Variants in ANKRD26 observed in about 807,000 individuals in gnomAD.
The protein encoded by ANKRD26 is ankyrin repeat domain 26, also known as ankyrin repeat domain-containing protein 26.
A neutral mutation model predicts 208.7 loss-of-function variants in ANKRD26; 141 were observed. The ratio of observed to expected loss-of-function variants is 0.68; its 90% CI spans 0.59 to 0.78. The LOEUF is 0.78. ANKRD26 is among the 30% of genes least tolerant of loss of function. The probability of loss-of-function intolerance (pLI) is 0.00; values close to 1 mark genes in which losing one functional copy is unlikely to be tolerated. For missense variants in ANKRD26, 1,889 were observed against 1,938.7 expected (o/e 0.97, Z 0.48); for synonymous variants, 636 against 660.4 (o/e 0.96, Z 0.57).
At chr10:26,962,337 G>A in the ANKRD26 span, among the ~76,000 whole-genome samples, 1,401 of 152,238 alleles carry the variant, frequency 9.2e-3, 22 homozygotes, top group African/African-American at 0.032. Context: ...CACGTTGGGA[G>A]GCTGAGGCGG....
chr10:27,063,766 T>C (rs569994830), intron 12 of ANKRD26, among the ~76,000 whole-genome samples: 48 of 152,320 alleles, frequency 3.2e-4, no homozygotes, highest in African/African-American at 1.1e-3. Context: ...CAGGTCTTAA[T>C]GTATTTTGAA....
intron 4 of ANKRD26, chr10:27,088,545 C>T (rs1015629763): frequency 1.3e-5 from 2 of 152,128 alleles, no homozygotes; most frequent in African/African-American, 4.8e-5. Context: ...TTGTGAGGTA[C>T]AATCTGAAAA....
chr10:27,058,446 C>T (rs995347153), intron 15 of ANKRD26, among the ~76,000 whole-genome samples: 2 of 152,142 alleles, frequency 1.3e-5, no homozygotes, highest in African/African-American at 4.8e-5. Flanking sequence ...AAATGCGTGG[C>T]TGTACATGCA....
chr10:27,075,864 TTA>T (rs1360844552), intron 9 of ANKRD26, among the ~76,000 whole-genome samples: 1 of 152,166 alleles, frequency 6.6e-6, no homozygotes, highest in Non-Finnish European at 1.5e-5. Flanking sequence ...AAAACAAGTC[TTA>T]ATAAATTTTA....
chr10:26,972,591 T>TC (rs1396169533), downstream of ANKRD26, among the ~76,000 whole-genome samples: 1 of 146,136 alleles, frequency 6.8e-6, no homozygotes, highest in African/African-American at 2.5e-5. Flanking sequence ...AGTGATTCTT[T>TC]TTTTTTTTTT....
chr10:26,969,742 G>C (rs1442506803), downstream of ANKRD26, among the ~76,000 whole-genome samples: 1 of 150,230 alleles, frequency 6.7e-6, no homozygotes, highest in African/African-American at 2.4e-5. Context: ...GTAAAATGTG[G>C]TTGCCAAACT....
chr10:26,976,001 A>G (rs114889253), exon 6 of ANKRD26, among the ~76,000 whole-genome samples: 4,785 of 152,044 alleles, frequency 0.031, 129 homozygotes, highest in African/African-American at 0.071. Flanking sequence ...CCCAATTGCA[A>G]CCTCATCTTT....
chr10:27,047,725 A>ACTAC (rs1174510554), intron 17 of ANKRD26, among the ~76,000 whole-genome samples: 37 of 140,088 alleles, frequency 2.6e-4, no homozygotes, highest in African/African-American at 4.7e-4. Flanking sequence ...ACTACTACTA[A>ACTAC]TAATAATAAT....
downstream of ANKRD26, among the ~76,000 whole-genome samples, chr10:27,002,180 G>A (rs2052739874): frequency 6.6e-6 from 1 of 152,190 alleles, no homozygotes; most frequent in African/African-American, 2.4e-5. Flanking sequence ...GAGGAAAGTG[G>A]TGAAGGCAAC....
rs994610726 is a variant in ANKRD26, at chr10:27,082,049, TAAAAAAAAAA to T, written c.740+744_740+753del. Among the ~76,000 whole-genome samples, 3 of 67,646 alleles carry T rather than the reference TAAAAAAAAAA, an allele frequency of 4.4e-5. No individual in the cohort carries two copies. The South Asian group carries it at 1.5e-3, about 34-fold the overall frequency. 44.4% of individuals were successfully genotyped at this position (67,646 alleles called of 152,430 possible). A position where few individuals can be genotyped will look rare whatever the true frequency, so the allele number is the denominator to read the frequency against. ...CCACGCCCAGCCCTATGCAGTTATT[TAAAAAAAAAA>T]AAAAAAAAAAAAAAAGGGAGAGAGA... is the stretch of plus-strand genomic sequence containing the variant. On this transcript the variant is annotated intron_variant, in intron 6 of 33. Coordinates refer to ENST00000376087, the MANE Select transcript of ANKRD26 (RefSeq NM_014915.3).
downstream of ANKRD26, among the ~76,000 whole-genome samples, chr10:26,973,106 T>C (rs945723213): frequency 6.6e-6 from 1 of 152,216 alleles, no homozygotes; most frequent in African/African-American, 2.4e-5. Context: ...TATATACCTG[T>C]TAAAACAAAT....
At chr10:27,084,738 G>C (rs891937615) in intron 5 of ANKRD26, among the ~76,000 whole-genome samples, 1 of 151,764 alleles carries the variant, frequency 6.6e-6, no homozygotes, top group South Asian at 2.1e-4. Flanking sequence ...GCATGGTGGC[G>C]GGCACCTGTA....
intron 3 of ANKRD26, 65 bp from the exon 4 acceptor site, chr10:27,092,577 T>C (rs1023287525): frequency 1.7e-6 from 2 of 1,201,844 alleles, no homozygotes; most frequent in Non-Finnish European, 2.4e-6. Flanking sequence ...AACTGAAAAC[T>C]CTATGTCAGA....
the ANKRD26 span, among the ~76,000 whole-genome samples, chr10:26,948,235 C>T: frequency 6.6e-6 from 1 of 152,172 alleles, no homozygotes; most frequent in Non-Finnish European, 1.5e-5. Context: ...TAAAATTGAC[C>T]TTGCCTTTTA....
chr10:26,972,175 C>A (rs1347769583), downstream of ANKRD26, among the ~76,000 whole-genome samples: 1 of 148,758 alleles, frequency 6.7e-6, no homozygotes, highest in Non-Finnish European at 1.5e-5. Flanking sequence ...GCGGAGCTTG[C>A]AGTGAGCCGA....
intron 7 of ANKRD26, 121 bp downstream of exon 7, chr10:27,078,968 T>C: frequency 2.7e-6 from 2 of 730,832 alleles, no homozygotes; most frequent in Admixed American, 2.5e-5. Context: ...TGGCTTCCCC[T>C]GACCACCTTT....
At chr10:27,078,528 C>T (rs1191265880) in intron 7 of ANKRD26, among the ~76,000 whole-genome samples, 3 of 152,122 alleles carry the variant, frequency 2.0e-5, no homozygotes, top group Non-Finnish European at 4.4e-5. Flanking sequence ...CTAAGGCACA[C>T]TGAGAAACAC....
intron 4 of ANKRD26, among the ~76,000 whole-genome samples, chr10:26,996,432 TGCCTG>T (rs1351707786): frequency 2.0e-5 from 3 of 152,150 alleles, no homozygotes; most frequent in African/African-American, 7.2e-5. Context: ...TGGTGGCTCA[TGCCTG>T]TAATCACAGC....
chr10:27,059,106 G>A (rs2054953986), intron 15 of ANKRD26, among the ~76,000 whole-genome samples: 1 of 151,668 alleles, frequency 6.6e-6, no homozygotes, highest in Non-Finnish European at 1.5e-5. Flanking sequence ...GGTAAAGATG[G>A]GGTTTCACCG....
Sources: allele counts gnomAD v4.1 joint callset (sites outside exome capture counted in the v4.1 genomes callset), GRCh38; gene constraint gnomAD v4.1.1; transcripts MANE v1.5; gene names NCBI Gene and HGNC (gene_info 2026-07-23, HGNC 2026-07-21).